EPG5: variants seen among roughly 807,000 people sequenced by gnomAD.
EPG5 encodes the protein ectopic P-granules 5 autophagy tethering factor.
A neutral mutation model predicts 302.7 loss-of-function variants in EPG5; 159 were observed. The observed-to-expected ratio is 0.53, with a 90% confidence interval of 0.46 to 0.60. The LOEUF is 0.60. Ranked by LOEUF, EPG5 falls within the 20% of genes least tolerant of loss-of-function variation. The probability of loss-of-function intolerance (pLI) is 0.00; values close to 1 mark genes in which losing one functional copy is unlikely to be tolerated. For missense variants in EPG5, 2,896 were observed against 3,092.4 expected (o/e 0.94, Z 1.51); for synonymous variants, 1,158 against 1,136.8 (o/e 1.02, Z -0.37).
At chr18:45,889,746 C>A in intron 28 of EPG5, 52 bp downstream of exon 28, 1 of 1,536,892 alleles carries the variant, frequency 6.5e-7, no homozygotes, top group Admixed American at 1.8e-5. Flanking sequence ...TGTATGATTA[C>A]TATTCATGAT....
intron 1 of EPG5, among the ~76,000 whole-genome samples, chr18:45,965,928 C>A (rs370215377): frequency 6.6e-6 from 1 of 151,948 alleles, no homozygotes; most frequent in African/African-American, 2.4e-5. Context: ...TGGCGCATGC[C>A]TGTAATCCCA....
the EPG5 span, chr18:45,842,442 T>TGTGTGA: frequency 4.1e-5 from 14 of 344,974 alleles, no homozygotes; most frequent in African/African-American, 2.6e-4. Context: ...TGTGTGTGTG[T>TGTGTGA]GAGAGAGAGA....
chr18:45,842,440 T>TGA, the EPG5 span: 3,805 of 454,542 alleles, frequency 8.4e-3, 14 homozygotes, highest in African/African-American at 0.032. Context: ...TGTGTGTGTG[T>TGA]GTGAGAGAGA....
intron 35 of EPG5, among the ~76,000 whole-genome samples, chr18:45,873,090 T>C (rs1247142965): frequency 6.6e-6 from 1 of 152,228 alleles, no homozygotes; most frequent in African/African-American, 2.4e-5. Context: ...TGCAAAGCTC[T>C]CCTGTTTCCT....
rs781350067 is a variant in EPG5 at position 45,870,765 on chromosome 18, A to G, written c.6050-23T>C. On this transcript the variant is annotated intron_variant, in intron 35 of 43. Coordinates refer to ENST00000282041, the MANE Select transcript of EPG5 (RefSeq NM_020964.3). ...TATCTAGAATGTGAAAAGAAAATAG[A>G]GCTGAAGACCTTTGGTTTACCTTAA... 3 of 1,505,630 alleles carry G rather than the reference A, an allele frequency of 2.0e-6. No homozygotes were observed. In the South Asian group the frequency reaches 3.7e-5, roughly 18 times the overall value. The allele number at this position is 1,505,630 out of a possible 1,614,324, so 93.3% of individuals were successfully genotyped here.
At chr18:45,826,222 G>T in the EPG5 span, among the ~76,000 whole-genome samples, 1 of 152,036 alleles carries the variant, frequency 6.6e-6, no homozygotes, top group African/African-American at 2.4e-5. Flanking sequence ...ATGGGAGGGG[G>T]TGATTTCATG....
At chr18:45,912,980 C>G (rs1164293456) in intron 21 of EPG5, among the ~76,000 whole-genome samples, 2 of 151,410 alleles carry the variant, frequency 1.3e-5, no homozygotes, top group African/African-American at 4.9e-5. Context: ...CCCAGCTACT[C>G]GGGAGGCTGA....
At chr18:45,913,070 G>A (rs539476327) in intron 21 of EPG5, among the ~76,000 whole-genome samples, 3 of 147,222 alleles carry the variant, frequency 2.0e-5, no homozygotes, top group South Asian at 2.1e-4. Flanking sequence ...CAGCCCGGGC[G>A]ACAGGGCAAG....
Position 45,866,825 on chromosome 18 carries a change from A to G in EPG5, c.6594T>C (p.Ser2198=). Reference sequence around the variant, plus strand: ...GATGCTTCTGGCTGTCAGTAGGAATAGAAAGGCCCGCAGACACTTTTAGGA... The same window carrying G: ...GATGCTTCTGGCTGTCAGTAGGAATGGAAAGGCCCGCAGACACTTTTAGGA... The part of the protein sequence containing the change: ...MKLLKVSAGL[S]IPTDSQKHLD... Residue 2198 remains serine, a synonymous_variant, in exon 38 of 44, where the codon TCT becomes TCC. Transcript: ENST00000282041. 1 of 1,614,140 alleles carries G rather than the reference A, an allele frequency of 6.2e-7. No individual in the cohort carries two copies. Among genetic ancestry groups the G allele is most frequent in the Non-Finnish European group, 8.5e-7 (1 of 1,179,962 alleles).
chr18:45,914,137 G>C (rs2049973497), intron 20 of EPG5, among the ~76,000 whole-genome samples: 1 of 152,178 alleles, frequency 6.6e-6, no homozygotes, highest in African/African-American at 2.4e-5. Flanking sequence ...CCAGACAGGG[G>C]CTCTGTCTTT....
the EPG5 span, among the ~76,000 whole-genome samples, chr18:45,803,008 T>G: frequency 6.6e-6 from 1 of 152,170 alleles, no homozygotes; most frequent in Admixed American, 6.5e-5. Context: ...ATGTACAGAG[T>G]CATTACTTTC....
chr18:45,890,829 T>A (rs1188419239), intron 27 of EPG5, among the ~76,000 whole-genome samples: 1 of 152,146 alleles, frequency 6.6e-6, no homozygotes, highest in East Asian at 1.9e-4. Flanking sequence ...GGGACAGAGA[T>A]ACAGGAAGGA....
chr18:45,870,719 C>T lies in EPG5; in HGVS notation c.6073G>A (p.Gly2025Arg). The T allele has an allele frequency of 6.2e-7, 1 of 1,609,038 alleles. No individual in the cohort carries two copies. The highest frequency in any genetic ancestry group is 8.5e-7 in the Non-Finnish European group (1 of 1,176,752). ...TGCATCAGGTGCAACCAAAGGGCTC[C>T]TGCATCACCTGGCAACAGCTTATCT... ...FKDKLLPGDAGALWLHLMHYC... is the reference protein window; with the variant it reads ...FKDKLLPGDARALWLHLMHYC... Residue 2025 changes from glycine to arginine, a missense_variant, in exon 36 of 44, where the codon GGA becomes AGA. This residue lies in a region of EPG5 where 620 missense variants were observed against 704.2 expected (regional missense o/e 0.88). Transcript: ENST00000282041.
intron 13 of EPG5, 86 bp from the exon 14 acceptor site, chr18:45,925,988 T>TA (rs1271508869): frequency 2.2e-6 from 2 of 901,178 alleles, no homozygotes; most frequent in Non-Finnish European, 1.5e-6. Flanking sequence ...AAACTGCTTG[T>TA]AAAAAAATTT....
At chr18:45,946,334 A>T (rs1236918825) in intron 7 of EPG5, among the ~76,000 whole-genome samples, 2 of 152,230 alleles carry the variant, frequency 1.3e-5, no homozygotes, top group Non-Finnish European at 2.9e-5. Flanking sequence ...CCTAATATAC[A>T]TCTTATGTAA....
chr18:45,966,821 G>A (rs978738816), intron 1 of EPG5, among the ~76,000 whole-genome samples: 2 of 152,158 alleles, frequency 1.3e-5, no homozygotes, highest in African/African-American at 2.4e-5. Context: ...AATGTTCTAG[G>A]ATATAAAAGA....
At chr18:45,806,631 G>A in the EPG5 span, among the ~76,000 whole-genome samples, 1 of 151,902 alleles carries the variant, frequency 6.6e-6, no homozygotes, top group Non-Finnish European at 1.5e-5. Context: ...TAATACAGGA[G>A]AAGACTCTGA....
At chr18:45,908,126 A>G (rs2049802964) in intron 23 of EPG5, 45 bp from the exon 24 acceptor site, 1 of 1,426,896 alleles carries the variant, frequency 7.0e-7, no homozygotes, top group Non-Finnish European at 9.5e-7. Flanking sequence ...AAAGATGAGC[A>G]TACAAACAAA....
At chr18:45,855,476 C>A (rs2145171390) in intron 43 of EPG5, 97 bp downstream of exon 43, 8 of 780,466 alleles carry the variant, frequency 1.0e-5, no homozygotes, top group South Asian at 3.4e-5. Context: ...CACCACAGAG[C>A]ATCATGTCAT....
Sources: allele counts gnomAD v4.1 joint callset (sites outside exome capture counted in the v4.1 genomes callset), GRCh38; gene constraint gnomAD v4.1.1; regional missense constraint gnomAD v4.1.1; transcripts MANE v1.5; gene names NCBI Gene and HGNC (gene_info 2026-07-23, HGNC 2026-07-21).